Variants in CDH23 observed in about 807,000 individuals in gnomAD.
The protein encoded by CDH23 is cadherin related 23.
A neutral mutation model predicts 317.1 loss-of-function variants in CDH23; 189 were observed. The ratio of observed to expected loss-of-function variants is 0.60; its 90% confidence interval spans 0.53 to 0.67. The LOEUF (loss-of-function observed/expected upper bound fraction) is 0.67. Among genes scored for constraint, CDH23 ranks in the 30% least tolerant of loss-of-function variants. CDH23 has a pLI of 0.00. For missense variants in CDH23, 4,401 were observed against 4,592.4 expected (o/e 0.96, Z 1.20); for synonymous variants, 1,839 against 1,876.8 (o/e 0.98, Z 0.52).
chr10:71,545,445 C>G (rs1856220369), intron 6 of CDH23, among the ~76,000 whole-genome samples: 1 of 152,226 alleles, frequency 6.6e-6, no homozygotes, highest in Non-Finnish European at 1.5e-5. Flanking sequence ...CCTGCAGGGG[C>G]TGATTTCTGT....
chr10:71,645,259 G>A (rs1862779079), intron 12 of CDH23, among the ~76,000 whole-genome samples: 1 of 152,192 alleles, frequency 6.6e-6, no homozygotes, highest in African/African-American at 2.4e-5. Context: ...CAACAGTGTG[G>A]GATCCCTGGC....
At chr10:71,572,846 C>T (rs2132382385) in intron 8 of CDH23, among the ~76,000 whole-genome samples, 1 of 152,336 alleles carries the variant, frequency 6.6e-6, no homozygotes, top group Non-Finnish European at 1.5e-5. Context: ...AATCAAGGTA[C>T]CTGAGTCTCT....
At chr10:71,699,684 G>A (rs758454543) in intron 22 of CDH23, among the ~76,000 whole-genome samples, 8 of 152,216 alleles carry the variant, frequency 5.3e-5, no homozygotes, top group Non-Finnish European at 7.3e-5. Context: ...TAAAGGAGAG[G>A]GGAGAAGGAG....
At chr10:71,805,704 G>C in intron 55 of CDH23, 102 bp from the exon 56 acceptor site, 1 of 1,219,506 alleles carries the variant, frequency 8.2e-7, no homozygotes, top group Non-Finnish European at 1.1e-6. Context: ...AGCTGTTGAG[G>C]ACATTCTGCT....
At chr10:71,457,666 TC>T (rs1850763076) in intron 3 of CDH23, among the ~76,000 whole-genome samples, 1 of 152,186 alleles carries the variant, frequency 6.6e-6, no homozygotes, top group South Asian at 2.1e-4. Flanking sequence ...GGTGCCTGAG[TC>T]CCAGGCCTGG....
intron 20 of CDH23, among the ~76,000 whole-genome samples, chr10:71,691,247 C>G (rs1410540517): frequency 1.3e-5 from 2 of 152,232 alleles, no homozygotes; most frequent in Non-Finnish European, 2.9e-5. Context: ...CAGAAAGAAG[C>G]AGCAAGAGAT....
intron 14 of CDH23, among the ~76,000 whole-genome samples, chr10:71,659,660 C>T (rs1177063668): frequency 2.0e-5 from 3 of 152,194 alleles, no homozygotes; most frequent in Non-Finnish European, 2.9e-5. Flanking sequence ...TGTAATAATA[C>T]ACTCTAGTGT....
At position 71,732,304 on chromosome 10, in the gene CDH23, C is replaced by G. The variant is rs1469319388; in HGVS notation, c.4033C>G (p.Gln1345Glu). The G allele has an allele frequency of 6.2e-7, 1 of 1,611,428 alleles. No homozygotes were observed. Among genetic ancestry groups the G allele is most frequent in the Admixed American group, 1.7e-5 (1 of 59,692 alleles). Reference protein sequence around the residue: ...VQAYSIDNLNQITYRFNAYTS... With the variant: ...VQAYSIDNLNEITYRFNAYTS... Reference sequence around the variant, plus strand: ...GGCCTACTCCATCGACAACCTCAACCAAATCACGTACCGCTTCAACGCCTA... The same window carrying G: ...GGCCTACTCCATCGACAACCTCAACGAAATCACGTACCGCTTCAACGCCTA... Residue 1345 changes from glutamine (Q) to glutamate (E), a missense_variant, in exon 32 of 70, where the codon CAA (glutamine) becomes GAA (glutamate). Transcript: ENST00000224721.
chr10:71,677,545 C>T lies in CDH23; in HGVS notation c.1604C>T (p.Ala535Val). The change falls in exon 16 of 70, where the codon GCC (alanine) becomes GTC (valine). Residue 535 changes from alanine to valine, a missense_variant. By Grantham distance (64) the Ala-to-Val change is moderately conservative (BLOSUM62 0). Around this residue, in one of 3 missense-constraint regions of CDH23, gnomAD observed 3,068 missense variants for 3,203.3 expected, o/e 0.96. Transcript: ENST00000224721. Reference sequence around the variant, plus strand: ...CAGCGCTTCACCCTGACGATCATTGCCCGGGACGGGGGCGGCGAGGAGACC... The same window carrying T: ...CAGCGCTTCACCCTGACGATCATTGTCCGGGACGGGGGCGGCGAGGAGACC... Reference protein sequence around the residue: ...LIQRFTLTIIARDGGGEETTG... With the variant: ...LIQRFTLTIIVRDGGGEETTG... 1 of 1,611,808 alleles carries T rather than the reference C, an allele frequency of 6.2e-7. No individual in the cohort carries two copies. Among genetic ancestry groups the T allele is most frequent in the South Asian group, 1.1e-5 (1 of 90,284 alleles).
intron 3 of CDH23, among the ~76,000 whole-genome samples, chr10:71,492,818 C>T (rs564974304): frequency 1.9e-4 from 29 of 152,272 alleles, no homozygotes; most frequent in African/African-American, 6.5e-4. Context: ...GGGTGTGCTG[C>T]GCTTGGAGTC....
At chr10:71,560,570 C>T (rs574230851) in intron 6 of CDH23, among the ~76,000 whole-genome samples, 44 of 152,242 alleles carry the variant, frequency 2.9e-4, no homozygotes, top group South Asian at 1.2e-3. Context: ...ACAATCTGTG[C>T]GACCTTGGAC....
chr10:71,414,426 T>G (rs1848456373), intron 1 of CDH23, among the ~76,000 whole-genome samples: 1 of 152,224 alleles, frequency 6.6e-6, no homozygotes, highest in Admixed American at 6.5e-5. Flanking sequence ...TCATATAATT[T>G]TCCTTCTTTC....
chr10:71,541,664 C>G (rs1251810928), intron 6 of CDH23, among the ~76,000 whole-genome samples: 1 of 152,214 alleles, frequency 6.6e-6, no homozygotes, highest in Non-Finnish European at 1.5e-5. Context: ...GGAGGCCAGG[C>G]TTAGTTCAGT....
chr10:71,400,003 A>G (rs1476467477), intron 1 of CDH23, among the ~76,000 whole-genome samples: 1 of 152,124 alleles, frequency 6.6e-6, no homozygotes, highest in African/African-American at 2.4e-5. Context: ...CTTAGGACTT[A>G]TGCAGAGGGG....
intron 46 of CDH23, 49 bp from the exon 47 acceptor site, chr10:71,791,083 C>T (rs1841237575): frequency 1.3e-5 from 19 of 1,483,120 alleles, no homozygotes; most frequent in Non-Finnish European, 1.7e-5. Flanking sequence ...TGTCTTCCCA[C>T]CGCACCCCTT....
intron 3 of CDH23, among the ~76,000 whole-genome samples, chr10:71,470,191 C>T (rs1851442152): frequency 6.6e-6 from 1 of 152,198 alleles, no homozygotes; most frequent in Non-Finnish European, 1.5e-5. Context: ...TGTACCCTTT[C>T]ACCTTCCCAC....
chr10:71,622,642 C>T (rs1367683945), intron 11 of CDH23, among the ~76,000 whole-genome samples: 3 of 152,218 alleles, frequency 2.0e-5, no homozygotes, highest in Non-Finnish European at 2.9e-5. Context: ...ACCCAGATAG[C>T]TGAAAACTGA....
chr10:71,680,389 T>C (rs914762234), intron 17 of CDH23, among the ~76,000 whole-genome samples: 1 of 152,218 alleles, frequency 6.6e-6, no homozygotes, highest in African/African-American at 2.4e-5. Flanking sequence ...TGAGTGACTC[T>C]GGGTCCAGTG....
chr10:71,592,376 A>G (rs1015120302), intron 9 of CDH23, among the ~76,000 whole-genome samples: 1 of 152,146 alleles, frequency 6.6e-6, no homozygotes, highest in Admixed American at 6.5e-5. Flanking sequence ...AAAACCACAG[A>G]AGTTTATTCT....
Sources: allele counts gnomAD v4.1 joint callset (sites outside exome capture counted in the v4.1 genomes callset), GRCh38; gene constraint gnomAD v4.1.1; regional missense constraint gnomAD v4.1.1; transcripts MANE v1.5; gene names NCBI Gene and HGNC (gene_info 2026-07-23, HGNC 2026-07-21).